RABGAP1L: variants seen among roughly 807,000 people sequenced by gnomAD.
The protein encoded by RABGAP1L is rab GTPase-activating protein 1-like.
RABGAP1L carries 63 observed loss-of-function variants against 137.7 expected under a neutral mutation model. That is an observed-to-expected ratio of 0.46 (90% CI 0.37 to 0.56). The LOEUF (loss-of-function observed/expected upper bound fraction) is 0.56, where lower values mean the gene tolerates loss of function less well. Among genes scored for constraint, RABGAP1L ranks in the 20% least tolerant of loss-of-function variants. RABGAP1L has a pLI of 0.00. For missense variants in RABGAP1L, 1,095 were observed against 1,244.0 expected (o/e 0.88, Z 1.80); for synonymous variants, 431 against 433.7 (o/e 0.99, Z 0.08).
chr1:174,661,261 T>C (rs917114418), intron 14 of RABGAP1L, among the ~76,000 whole-genome samples: 4 of 152,198 alleles, frequency 2.6e-5, no homozygotes, highest in South Asian at 2.1e-4. Context: ...CATAACCATA[T>C]TGATTTTATA....
At chr1:174,533,751 A>G (rs542123608) in intron 13 of RABGAP1L, among the ~76,000 whole-genome samples, 6 of 151,864 alleles carry the variant, frequency 4.0e-5, no homozygotes, top group Non-Finnish European at 8.8e-5. Flanking sequence ...GCTCATTGCA[A>G]CCTCCGCCTC....
intron 17 of RABGAP1L, among the ~76,000 whole-genome samples, chr1:174,719,712 T>C (rs1681333563): frequency 6.6e-6 from 1 of 152,164 alleles, no homozygotes; most frequent in African/African-American, 2.4e-5. Flanking sequence ...GAACTCAAAT[T>C]CAATTTTTAT....
chr1:174,557,255 G>T (rs999825762), intron 13 of RABGAP1L, among the ~76,000 whole-genome samples: 1 of 152,144 alleles, frequency 6.6e-6, no homozygotes, highest in Non-Finnish European at 1.5e-5. Context: ...TCTTCAATTT[G>T]GACATTATCA....
chr1:174,962,132 G>A (rs1370084031), intron 20 of RABGAP1L, among the ~76,000 whole-genome samples: 10 of 149,704 alleles, frequency 6.7e-5, no homozygotes, highest in African/African-American at 1.7e-4. Flanking sequence ...CCAGGATCAC[G>A]CCACTGCGCT....
At chr1:174,166,378 C>G (rs1267319091) in intron 1 of RABGAP1L, among the ~76,000 whole-genome samples, 4 of 152,100 alleles carry the variant, frequency 2.6e-5, no homozygotes, top group African/African-American at 9.7e-5. Context: ...AGGTTTAGTT[C>G]AGGCAGAAGG....
chr1:174,599,087 G>A (rs756497638), intron 13 of RABGAP1L, among the ~76,000 whole-genome samples: 2 of 140,862 alleles, frequency 1.4e-5, no homozygotes, highest in African/African-American at 2.6e-5. Context: ...TGCCATTTTT[G>A]TGTGTTTGTA....
At chr1:174,930,207 G>A (rs955611489) in intron 19 of RABGAP1L, among the ~76,000 whole-genome samples, 13 of 151,890 alleles carry the variant, frequency 8.6e-5, no homozygotes, top group African/African-American at 2.9e-4. Flanking sequence ...TTACTTATGA[G>A]ATGGGGACTC....
intron 13 of RABGAP1L, among the ~76,000 whole-genome samples, chr1:174,632,464 C>T (rs1274708883): frequency 2.0e-5 from 3 of 149,268 alleles, no homozygotes; most frequent in South Asian, 2.1e-4. Context: ...GGGAAGTTCT[C>T]CTGGATAATA....
At chr1:174,600,023 A>T (rs1045262921) in intron 13 of RABGAP1L, among the ~76,000 whole-genome samples, 1 of 152,154 alleles carries the variant, frequency 6.6e-6, no homozygotes, top group African/African-American at 2.4e-5. Flanking sequence ...AAGAGGTTTA[A>T]TTGGACTTAC....
chr1:174,231,495 G>C, intron 4 of RABGAP1L, 140 bp downstream of exon 4: 2 of 757,690 alleles, frequency 2.6e-6, no homozygotes, highest in Non-Finnish European at 2.2e-6. Flanking sequence ...GGCTTAGACT[G>C]TGTTCATTGT....
chr1:174,340,448 C>A (rs1681874434), intron 11 of RABGAP1L, among the ~76,000 whole-genome samples: 1 of 152,162 alleles, frequency 6.6e-6, no homozygotes, highest in East Asian at 1.9e-4. Context: ...CCCAGACAGG[C>A]CCCAGTGTGT....
In RABGAP1L at chr1:174,518,321, C is replaced by T. The variant is rs534994702; in HGVS notation, c.1711-119054C>T. ...GGATTGGTTTCAGGACGCCCACAGACGCCAACCTCCAGGATGCTCAAGTCT... is the reference window on the plus strand; with the variant it reads ...GGATTGGTTTCAGGACGCCCACAGATGCCAACCTCCAGGATGCTCAAGTCT... On this transcript the variant is annotated intron_variant, in intron 13 of 25. Coordinates refer to ENST00000681986, the MANE Select transcript of RABGAP1L (RefSeq NM_001366446.1). Among the ~76,000 whole-genome samples the T allele has an allele frequency of 5.9e-5, 9 of 152,240 alleles. No homozygotes were observed. The South Asian group carries it at 1.0e-3, about 18-fold the overall frequency.
At chr1:174,536,458 G>A (rs975991188) in intron 13 of RABGAP1L, among the ~76,000 whole-genome samples, 1 of 151,962 alleles carries the variant, frequency 6.6e-6, no homozygotes, top group Non-Finnish European at 1.5e-5. Flanking sequence ...ACATTTCCAG[G>A]ATAACTGAGA....
intron 13 of RABGAP1L, among the ~76,000 whole-genome samples, chr1:174,629,024 G>A (rs1232266265): frequency 1.3e-5 from 2 of 152,078 alleles, no homozygotes; most frequent in Non-Finnish European, 2.9e-5. Context: ...TATATTTCTT[G>A]TAAAAATTGA....
chr1:174,947,347 C>G (rs1211599264), intron 19 of RABGAP1L, among the ~76,000 whole-genome samples: 1 of 151,694 alleles, frequency 6.6e-6, no homozygotes, highest in Non-Finnish European at 1.5e-5. Context: ...CTCAGCCTCC[C>G]AAAGTGCTGG....
chr1:174,327,837 G>T (rs1680570104), intron 11 of RABGAP1L, among the ~76,000 whole-genome samples: 1 of 150,474 alleles, frequency 6.6e-6, no homozygotes, highest in Non-Finnish European at 1.5e-5. Flanking sequence ...AAAGAAAGCA[G>T]AAATTCCTAT....
intron 8 of RABGAP1L, among the ~76,000 whole-genome samples, chr1:174,273,671 A>T (rs1017473026): frequency 6.6e-6 from 1 of 152,038 alleles, no homozygotes; most frequent in African/African-American, 2.4e-5. Flanking sequence ...GGTAATGAAA[A>T]CTTTTAAGAT....
At chr1:174,284,002 A>G (rs980063449) in intron 10 of RABGAP1L, among the ~76,000 whole-genome samples, 5 of 152,216 alleles carry the variant, frequency 3.3e-5, no homozygotes, top group African/African-American at 1.2e-4. Context: ...GAAAAAACGG[A>G]ATAGACTTAA....
intron 5 of RABGAP1L, among the ~76,000 whole-genome samples, chr1:174,248,974 A>G (rs1198141652): frequency 1.3e-5 from 2 of 152,196 alleles, no homozygotes; most frequent in East Asian, 3.9e-4. Context: ...AGAGATTTGG[A>G]GAATCTTTGG....
Sources: allele counts gnomAD v4.1 joint callset (sites outside exome capture counted in the v4.1 genomes callset), GRCh38; gene constraint gnomAD v4.1.1; transcripts MANE v1.5; gene names NCBI Gene and HGNC (gene_info 2026-07-23, HGNC 2026-07-21).